Variants in SCP2 observed in about 807,000 individuals in gnomAD.
SCP2 encodes the protein SCP-2/3-oxoacyl-CoA thiolase.
SCP2 carries 48 observed loss-of-function variants against 71.4 expected under a neutral mutation model. That is an observed-to-expected ratio of 0.67 (90% CI 0.53 to 0.86). The LOEUF (loss-of-function observed/expected upper bound fraction) is 0.86. Among genes scored for constraint, SCP2 ranks in the 40% least tolerant of loss-of-function variants. SCP2 has a pLI of 0.00. For synonymous variants in SCP2, 220 were observed against 218.1 expected, an observed-to-expected ratio of 1.01 and a Z score of -0.08; for missense variants, 560 against 655.6, an observed-to-expected ratio of 0.85 and a Z score of 1.59.
intron 13 of SCP2, among the ~76,000 whole-genome samples, chr1:53,037,977 A>AGAT (rs1246960428): frequency 0.021 from 2,619 of 126,336 alleles, 96 homozygotes; most frequent in African/African-American, 0.093. Flanking sequence ...ACACACACAC[A>AGAT]CACACACACA....
chr1:52,947,467 A>G (rs1654916039), intron 2 of SCP2, among the ~76,000 whole-genome samples: 1 of 151,786 alleles, frequency 6.6e-6, no homozygotes, highest in South Asian at 2.1e-4. Context: ...TCCTCTTTCC[A>G]GTTTACTTAC....
At chr1:52,965,978 T>A (rs1342978912) in intron 6 of SCP2, among the ~76,000 whole-genome samples, 1 of 152,100 alleles carries the variant, frequency 6.6e-6, no homozygotes, top group African/African-American at 2.4e-5. Context: ...TCTTATGACT[T>A]GCTATCTCAC....
chr1:53,020,248 G>A (rs1661627679), intron 12 of SCP2, among the ~76,000 whole-genome samples: 1 of 150,712 alleles, frequency 6.6e-6, no homozygotes, highest in Non-Finnish European at 1.5e-5. Flanking sequence ...CACACTACTG[G>A]CTTTGAGCAT....
Position 53,000,722 on chromosome 1 carries a change from T to C in SCP2, c.1081+12586T>C, listed in dbSNP as rs529328972. 9.9e-5 allele frequency among the ~76,000 whole-genome samples: 15 copies of C among 152,276 alleles called. No individual in the cohort carries two copies. In the East Asian group the frequency reaches 2.9e-3, roughly 29 times the overall value. ...CTGTAATCCCAGCATTTTGGGAGGC[T>C]GAGGCGGGCAGATCGCTTGAGCTCA... On this transcript the variant is annotated intron_variant, in intron 11 of 15. Coordinates refer to ENST00000371514, the MANE Select transcript of SCP2 (RefSeq NM_002979.5).
At chr1:52,972,038 G>T (rs1339924260) in intron 6 of SCP2, among the ~76,000 whole-genome samples, 1 of 152,114 alleles carries the variant, frequency 6.6e-6, no homozygotes, top group Non-Finnish European at 1.5e-5. Context: ...TGCTTCTGAG[G>T]CTATCATTTG....
In SCP2 at chr1:52,954,791, G is replaced by A; in HGVS notation, c.383G>A (p.Ser128Asn). ...ALGFEKMSKG[S>N]LGIKFSDRTI... ...GGGTTTGAGAAGATGAGTAAGGGAA[G>A]CCTTGGAATAAAAGTGAGTGTTATT... Residue 128 changes from serine to asparagine, a missense_variant, in exon 5 of 16, where the codon AGC becomes AAC. Physicochemically the swap from Ser to Asn is conservative, Grantham distance 46 (BLOSUM62 1). Transcript: ENST00000371514. The A allele has an allele frequency of 1.2e-6, 2 of 1,613,410 alleles. No homozygotes were observed. The highest frequency in any genetic ancestry group is 1.1e-5 in the South Asian group (1 of 91,066).
intron 4 of SCP2, among the ~76,000 whole-genome samples, chr1:52,954,310 T>C (rs551557604): frequency 3.4e-5 from 5 of 148,142 alleles, no homozygotes; most frequent in Non-Finnish European, 7.4e-5. Flanking sequence ...TGAAACTTTG[T>C]GTCAAAAAAA....
In SCP2 at chr1:53,038,825, T is replaced by A. The variant is rs571888433; in HGVS notation, c.1339-92T>A. On this transcript the variant is annotated intron_variant, in intron 13 of 15. Coordinates refer to ENST00000371514, the MANE Select transcript of SCP2 (RefSeq NM_002979.5). The stretch of plus-strand genomic sequence containing the variant: ...GGGGACCGCTCCCTGGCCCGTATAC[T>A]CATATCATGTATCTATTTAAACATG... 7.3e-6 allele frequency: 11 copies of A among 1,513,136 alleles called. No homozygotes were observed. In the Admixed American group the frequency reaches 1.0e-4, roughly 14 times the overall value. The allele number at this position is 1,513,136 out of a possible 1,614,324, so 93.7% of individuals were successfully genotyped here. A position where few individuals can be genotyped will look rare whatever the true frequency, so the allele number is the denominator to read the frequency against.
chr1:52,995,043 C>A, intron 11 of SCP2: 1 of 504,920 alleles, frequency 2.0e-6, no homozygotes, highest in Non-Finnish European at 4.0e-6. Flanking sequence ...AAGGCCACTA[C>A]ATAGAGGGGG....
chr1:53,016,488 C>T (rs1478693766), intron 12 of SCP2, among the ~76,000 whole-genome samples: 1 of 151,664 alleles, frequency 6.6e-6, no homozygotes, highest in Admixed American at 6.6e-5. Context: ...CTTGTATGGT[C>T]CTCTAAATAT....
intron 6 of SCP2, among the ~76,000 whole-genome samples, chr1:52,970,648 G>A (rs939444743): frequency 6.6e-6 from 1 of 151,378 alleles, no homozygotes; most frequent in Non-Finnish European, 1.5e-5. Flanking sequence ...ATATTTTCTT[G>A]GTATTTTCAC....
At chr1:52,958,586 A>C (rs1656040373) in intron 5 of SCP2, among the ~76,000 whole-genome samples, 2 of 137,620 alleles carry the variant, frequency 1.5e-5, no homozygotes, top group African/African-American at 4.9e-5. Flanking sequence ...TTTGTTTGTT[A>C]TTCTTTTTTA....
chr1:52,978,171 G>T lies in SCP2; in HGVS notation c.675-46G>T, dbSNP rs756257264. The T allele has an allele frequency of 1.9e-6, 3 of 1,591,236 alleles. No homozygotes were observed. The South Asian group carries it at 3.3e-5, about 18-fold the overall frequency. Reference sequence around the variant, plus strand: ...AGTAACTCCTAGTCTGAAATCCTCCGATCAGGTGCTACTGGGTGTGGAGAA... The same window carrying T: ...AGTAACTCCTAGTCTGAAATCCTCCTATCAGGTGCTACTGGGTGTGGAGAA... On this transcript the variant is annotated intron_variant, in intron 8 of 15. Coordinates refer to ENST00000371514, the MANE Select transcript of SCP2 (RefSeq NM_002979.5).
At chr1:52,931,708 T>G (rs1653165907) in intron 1 of SCP2, among the ~76,000 whole-genome samples, 2 of 152,228 alleles carry the variant, frequency 1.3e-5, no homozygotes, top group South Asian at 4.1e-4. Flanking sequence ...AGAGCTTCCT[T>G]CAGGCTTTTA....
chr1:53,041,745 G>A (rs538971146), intron 14 of SCP2, among the ~76,000 whole-genome samples: 127 of 152,302 alleles, frequency 8.3e-4, no homozygotes, highest in African/African-American at 2.8e-3. Flanking sequence ...TAGAAGAAGC[G>A]TGTCTATCAA....
At chr1:53,044,631 T>C (rs141486572) in intron 14 of SCP2, among the ~76,000 whole-genome samples, 2 of 152,310 alleles carry the variant, frequency 1.3e-5, no homozygotes, top group East Asian at 1.9e-4. Flanking sequence ...GTGAATAAAA[T>C]GTGACTTCAT....
At chr1:52,959,594 A>G (rs1386244869) in intron 5 of SCP2, among the ~76,000 whole-genome samples, 2 of 151,912 alleles carry the variant, frequency 1.3e-5, no homozygotes, top group African/African-American at 4.8e-5. Flanking sequence ...TTCTGAGTTT[A>G]TATATAAATA....
rs1354996217 is a variant in SCP2, at chr1:53,027,962, T to A, written c.1236-7T>A. The A allele has an allele frequency of 6.6e-7, 1 of 1,522,004 alleles. No individual in the cohort carries two copies. The highest frequency in any genetic ancestry group is 9.1e-7 in the Non-Finnish European group (1 of 1,096,338). 94.3% of individuals were successfully genotyped at this position (1,522,004 alleles called of 1,614,324 possible). A position where few individuals can be genotyped will look rare whatever the true frequency, so the allele number is the denominator to read the frequency against. ...CTCCATGAATTGAAACAGTTTCTTT[T>A]CCCCAGTTCTTTTAGAACTCATCAA... On this transcript the variant is annotated splice_polypyrimidine_tract_variant and splice_region_variant and intron_variant, in intron 12 of 15. Coordinates refer to ENST00000371514, the MANE Select transcript of SCP2 (RefSeq NM_002979.5).
At chr1:52,946,165 G>A (rs1317609091) in intron 2 of SCP2, among the ~76,000 whole-genome samples, 3 of 151,990 alleles carry the variant, frequency 2.0e-5, no homozygotes, top group Admixed American at 6.6e-5. Context: ...CTGGGCTCAA[G>A]GAATGCTCCT....
Sources: gnomAD v4.1 joint callset for allele counts (sites outside exome capture counted in the v4.1 genomes callset) on GRCh38, gnomAD v4.1.1 for gene constraint, MANE v1.5 for transcripts, NCBI Gene and HGNC (gene_info 2026-07-23, HGNC 2026-07-21) for gene names.